Variants in LTBP4 observed in about 807,000 individuals in gnomAD.
LTBP4 encodes the protein latent transforming growth factor beta binding protein 4.
A neutral mutation model predicts 180.2 loss-of-function variants in LTBP4; 93 were observed. That is an observed-to-expected ratio of 0.52 (90% CI 0.44 to 0.61). The LOEUF (loss-of-function observed/expected upper bound fraction) is 0.61. Ranked by LOEUF, LTBP4 falls within the 20% of genes least tolerant of loss-of-function variation. The probability of loss-of-function intolerance (pLI) is 0.00; values close to 1 mark genes in which losing one functional copy is unlikely to be tolerated. For synonymous variants in LTBP4, 947 were observed against 934.5 expected, an observed-to-expected ratio of 1.01 and a Z score of -0.24; for missense variants, 2,116 against 2,256.5, an observed-to-expected ratio of 0.94 and a Z score of 1.26.
chr19:40,622,660 C>T lies in LTBP4; in HGVS notation c.3477C>T (p.Thr1159=), dbSNP rs371603120. ...GCCGCATCCAGCAGTGCCCGGGCAC[C>T]GAGACAGGTGGGCATGGGCTGATGG... ...SGCRIQQCPG[T]ETAEYQSLCP... Residue 1159 remains threonine, a synonymous_variant, in exon 23 of 30, where the codon ACC becomes ACT. Coordinates refer to ENST00000396819, the MANE Select transcript of LTBP4 (RefSeq NM_001042545.2). The surrounding 1 kb of genome is among the most constrained non-coding windows in gnomAD (Gnocchi z 5.1). 37 of 1,600,530 alleles carry T rather than the reference C, an allele frequency of 2.3e-5. No homozygotes were observed. In the Admixed American group the frequency reaches 4.9e-4, roughly 21 times the overall value.
At position 40,625,950 on chromosome 19, in the gene LTBP4, G is replaced by T; in HGVS notation, c.3926G>T (p.Cys1309Phe). ...LDRQATYTEC[C>F]CLYGEAWGMD... ...CGTCAGGCCACCTACACAGAGTGCT[G>T]CTGCCTGTATGGAGAGGCCTGGGGC... The change falls in exon 27 of 30, where the codon TGC becomes TTC. Residue 1309 changes from cysteine to phenylalanine, a missense_variant. Physicochemically the swap from Cys to Phe is radical, Grantham distance 205. Transcript: ENST00000396819. 1 of 1,607,674 alleles carries T rather than the reference G, an allele frequency of 6.2e-7. No homozygotes were observed. Among genetic ancestry groups the T allele is most frequent in the South Asian group, 1.1e-5 (1 of 89,660 alleles).
At chr19:40,614,630 C>A (rs2081533845) in intron 19 of LTBP4, among the ~76,000 whole-genome samples, 184 bp downstream of exon 19, 1 of 152,208 alleles carries the variant, frequency 6.6e-6, no homozygotes, top group Non-Finnish European at 1.5e-5. Context: ...GTGTCAGGAT[C>A]ACGGCCAAGC....
chr19:40,625,836 A>G, intron 26 of LTBP4, 21 bp from the exon 27 acceptor site: 1 of 1,543,194 alleles, frequency 6.5e-7, no homozygotes, highest in African/African-American at 1.4e-5. Flanking sequence ...CCACTCTGAC[A>G]CATGCTGTCT....
chr19:40,600,108 C>T, upstream of LTBP4: 3 of 1,258,626 alleles, frequency 2.4e-6, no homozygotes, highest in South Asian at 3.7e-5. This position sits in a 1 kb window ranked among gnomAD's most constrained non-coding sequence, Gnocchi z 4.4. Flanking sequence ...GCGGCGGCCC[C>T]GGGGGCCAGG....
intron 29 of LTBP4, 117 bp downstream of exon 29, chr19:40,627,974 C>G: frequency 7.5e-7 from 1 of 1,340,850 alleles, no homozygotes; most frequent in Non-Finnish European, 9.9e-7. Flanking sequence ...CTACAGGGGA[C>G]GGGCCAGCGC....
chr19:40,623,049 C>A, intron 24 of LTBP4, 28 bp downstream of exon 24: 2 of 1,566,972 alleles, frequency 1.3e-6, no homozygotes, highest in East Asian at 2.3e-5. Flanking sequence ...CCCTCCACCC[C>A]ACTCAGCTCT....
upstream of LTBP4, chr19:40,597,228 C>CGACA (rs1023524250): frequency 2.0e-6 from 3 of 1,480,928 alleles, no homozygotes; most frequent in Non-Finnish European, 2.7e-6. Flanking sequence ...ACTCGGCGCC[C>CGACA]GACACGATGC....
chr19:40,620,546 C>T (rs868693838), intron 22 of LTBP4, among the ~76,000 whole-genome samples: 6 of 151,424 alleles, frequency 4.0e-5, no homozygotes, highest in South Asian at 4.1e-4. Flanking sequence ...GAGGCCAAGG[C>T]GGGAGGATCA....
rs749578668 is a variant in LTBP4, at chr19:40,609,767, T to C, written c.1580T>C (p.Val527Ala). The change falls in exon 11 of 30, where the codon GTG becomes GCG. Residue 527 changes from valine (V) to alanine (A), a missense_variant. Physicochemically the swap from Val to Ala is moderately conservative, Grantham distance 64. Transcript: ENST00000396819. The surrounding 1 kb of genome is among the most constrained non-coding windows in gnomAD (Gnocchi z 4.9). Reference protein sequence around the residue: ...RCIDVDECRRVPPPCAPGRCE... With the variant: ...RCIDVDECRRAPPPCAPGRCE... ...TCAGATGTGGACGAATGTCGCCGCG[T>C]GCCCCCGCCCTGTGCTCCCGGGCGC... The C allele has an allele frequency of 6.0e-5, 97 of 1,611,858 alleles. No individual in the cohort carries two copies. Among genetic ancestry groups the C allele is most frequent in the Non-Finnish European group, 7.9e-5 (93 of 1,178,906 alleles).
At chr19:40,594,114 G>GA (rs1283511290) in intron 1 of LTBP4, among the ~76,000 whole-genome samples, 1 of 151,496 alleles carries the variant, frequency 6.6e-6, no homozygotes, top group Non-Finnish European at 1.5e-5. Context: ...GGGTGGGGGG[G>GA]GAGAGAGAGA....
intron 20 of LTBP4, 38 bp from the exon 21 acceptor site, chr19:40,617,062 G>T (rs370498648): frequency 2.5e-6 from 4 of 1,613,468 alleles, no homozygotes; most frequent in Non-Finnish European, 3.4e-6. Context: ...GGAGATGGTA[G>T]AAGGTCCAGA....
chr19:40,627,803 A>G lies in LTBP4; in HGVS notation c.4465A>G (p.Thr1489Ala), dbSNP rs756572786. ...GRCVRVPEGF[T>A]CRCFDGYRLD... ...CTGCGTGCGCGTCCCCGAAGGCTTC[A>G]CCTGCCGTTGCTTCGACGGCTACCG... Residue 1489 changes from threonine (T) to alanine (A), a missense_variant, in exon 29 of 30, where the codon ACC becomes GCC. Physicochemically the swap from Thr to Ala is moderately conservative, Grantham distance 58 (BLOSUM62 0). Around this residue, in one of 5 missense-constraint regions of LTBP4, gnomAD observed 488 missense variants for 458.8 expected, o/e 1.06. Coordinates refer to ENST00000396819, the MANE Select transcript of LTBP4 (RefSeq NM_001042545.2). The G allele has an allele frequency of 2.6e-6, 4 of 1,557,148 alleles. No individual in the cohort carries two copies. Among genetic ancestry groups the G allele is most frequent in the Middle Eastern group, 1.7e-4 (1 of 5,924 alleles).
Position 40,622,773 on chromosome 19 carries a change from T to A in LTBP4, c.3484+106T>A. 1 of 1,451,080 alleles carries A rather than the reference T, an allele frequency of 6.9e-7. No homozygotes were observed. Among genetic ancestry groups the A allele is most frequent in the Non-Finnish European group, 9.2e-7 (1 of 1,085,264 alleles). The allele number at this position is 1,451,080 out of a possible 1,614,324, so 89.9% of individuals were successfully genotyped here. On this transcript the variant is annotated intron_variant, in intron 23 of 29. Coordinates refer to ENST00000396819, the MANE Select transcript of LTBP4 (RefSeq NM_001042545.2). The surrounding 1 kb of genome is among the most constrained non-coding windows in gnomAD (Gnocchi z 5.1). ...ACTTTTGGACAGGGCCTTGAGGTACTAGTACTGTCAGGGCAAGGGCGAGCT... is the reference window on the plus strand; with the variant it reads ...ACTTTTGGACAGGGCCTTGAGGTACAAGTACTGTCAGGGCAAGGGCGAGCT...
upstream of LTBP4, chr19:40,597,228 C>A (rs761251807): frequency 4.4e-4 from 646 of 1,481,034 alleles, 1 homozygote; most frequent in Non-Finnish European, 5.6e-4. Flanking sequence ...ACTCGGCGCC[C>A]GACACGATGC....
Position 40,609,912 on chromosome 19 carries a change from G to C in LTBP4, c.1684+41G>C, listed in dbSNP as rs1334116435. On this transcript the variant is annotated intron_variant, in intron 11 of 29. Transcript: ENST00000396819. The surrounding 1 kb of genome is among the most constrained non-coding windows in gnomAD (Gnocchi z 4.9). ...CACCCGGCTCCAGGCCCACCCCAGG[G>C]TCTCGCTCCTGCTCTCACTCCAGAG... 4.0e-6 allele frequency: 6 copies of C among 1,489,694 alleles called. No individual in the cohort carries two copies. The highest frequency in any genetic ancestry group is 5.4e-6 in the Non-Finnish European group (6 of 1,118,242). 92.3% of individuals were successfully genotyped at this position (1,489,694 alleles called of 1,614,324 possible).
rs2081521578 is a variant in LTBP4, at chr19:40,613,332, TA to T, written c.2432-71del. ...AACCTGGCATTGGTGGGGGCGGGGT[TA>T]CTGCGATGTGGGCGGAGCTTGTCTG... is the stretch of plus-strand genomic sequence containing the variant. On this transcript the variant is annotated intron_variant, in intron 16 of 29. Coordinates refer to ENST00000396819, the MANE Select transcript of LTBP4 (RefSeq NM_001042545.2). This position sits in a 1 kb window ranked among gnomAD's most constrained non-coding sequence, Gnocchi z 5.0. 2 of 1,559,968 alleles carry T rather than the reference TA, an allele frequency of 1.3e-6. No individual in the cohort carries two copies.
intron 1 of LTBP4, among the ~76,000 whole-genome samples, chr19:40,593,699 G>A (rs1305174236): frequency 9.6e-6 from 1 of 103,862 alleles, no homozygotes; most frequent in Non-Finnish European, 1.9e-5. Context: ...GAATATTAGA[G>A]TCATTTTTTT....
chr19:40,614,761 T>A (rs2081534923), intron 19 of LTBP4, among the ~76,000 whole-genome samples: 1 of 152,064 alleles, frequency 6.6e-6, no homozygotes, highest in African/African-American at 2.4e-5. Context: ...AATCGGCCTC[T>A]GGATTAAAAC....
In LTBP4 at chr19:40,613,435, C is replaced by T; in HGVS notation, c.2463C>T (p.Cys821=). The T allele has an allele frequency of 6.2e-7, 1 of 1,605,564 alleles. No homozygotes were observed. Among genetic ancestry groups the T allele is most frequent in the African/African-American group, 1.3e-5 (1 of 74,898 alleles). ...DVNECLEGDF[C]FPHGECLNTD... ...ACGAGTGCCTGGAGGGCGATTTCTG[C>T]TTCCCTCACGGCGAGTGCCTCAACA... Residue 821 remains cysteine (C), a synonymous_variant, in exon 17 of 30, where the codon TGC becomes TGT. Coordinates refer to ENST00000396819, the MANE Select transcript of LTBP4 (RefSeq NM_001042545.2). This position sits in a 1 kb window ranked among gnomAD's most constrained non-coding sequence, Gnocchi z 5.0.
Sources: gnomAD v4.1 joint callset for allele counts (sites outside exome capture counted in the v4.1 genomes callset) on GRCh38, gnomAD v4.1.1 for gene constraint, gnomAD v4.1.1 regional missense constraint, Gnocchi (gnomAD v3.1) non-coding constraint, MANE v1.5 for transcripts, NCBI Gene and HGNC (gene_info 2026-07-23, HGNC 2026-07-21) for gene names.